The following CCDC85A variants were observed in gnomAD, a reference collection of about 807,000 sequenced individuals.
CCDC85A encodes the protein coiled-coil domain containing 85A.
A neutral mutation model predicts 50.2 loss-of-function variants in CCDC85A; 38 were observed. The ratio of observed to expected loss-of-function variants is 0.76; its 90% confidence interval spans 0.58 to 0.99. The LOEUF (loss-of-function observed/expected upper bound fraction) is 0.99. CCDC85A is among the 50% of genes least tolerant of loss of function. The probability of loss-of-function intolerance (pLI) is 0.00; values close to 1 mark genes in which losing one functional copy is unlikely to be tolerated. For missense variants in CCDC85A, 820 were observed against 742.0 expected, an observed-to-expected ratio of 1.11 and a Z score of -1.22; for synonymous variants, 366 against 301.4, an observed-to-expected ratio of 1.21 and a Z score of -2.22.
At position 56,250,697 on chromosome 2, in the gene CCDC85A, T is replaced by G. The variant is rs550197452; in HGVS notation, c.1240+57257T>G. ...GTGATTCAAATTGCTAATGTGTGCT[T>G]CTTGAAAAAATATCAAACCACTCCC... On this transcript the variant is annotated intron_variant, in intron 2 of 5. Transcript: ENST00000407595. Among the ~76,000 whole-genome samples, 9 of 152,306 alleles carry G rather than the reference T, an allele frequency of 5.9e-5. No individual in the cohort carries two copies. In the South Asian group the frequency reaches 1.9e-3, roughly 32 times the overall value.
At chr2:56,264,624 A>G (rs1282332786) in intron 2 of CCDC85A, among the ~76,000 whole-genome samples, 1 of 152,148 alleles carries the variant, frequency 6.6e-6, no homozygotes, top group Non-Finnish European at 1.5e-5. Context: ...CTAGCTTTCT[A>G]GTGTCTAGTC....
chr2:56,384,464 G>C lies in CCDC85A; in HGVS notation c.*109G>C. 1.1e-6 allele frequency: 1 copy of C among 890,164 alleles called. No homozygotes were observed. The highest frequency in any genetic ancestry group is 1.8e-6 in the Non-Finnish European group (1 of 553,704). 55.1% of individuals were successfully genotyped at this position (890,164 alleles called of 1,614,324 possible). A position where few individuals can be genotyped will look rare whatever the true frequency, so the allele number is the denominator to read the frequency against. ...AAACCTGGACTCATGGAATAACATG[G>C]AGTGATTGTACATTGCACATATCTC... On this transcript the variant is annotated 3_prime_UTR_variant, in exon 6 of 6. Transcript: ENST00000407595.
At chr2:56,320,770 A>G (rs1263055246) in intron 2 of CCDC85A, among the ~76,000 whole-genome samples, 1 of 152,154 alleles carries the variant, frequency 6.6e-6, no homozygotes, top group African/African-American at 2.4e-5. Flanking sequence ...AAAAGAGGGA[A>G]TCCTCCCTAA....
chr2:56,283,844 T>A (rs1217306133), intron 2 of CCDC85A, among the ~76,000 whole-genome samples: 2 of 152,138 alleles, frequency 1.3e-5, no homozygotes, highest in African/African-American at 4.8e-5. Flanking sequence ...CTTTGTTAGT[T>A]TTGTCTATTG....
At chr2:56,337,362 G>A (rs1448338765) in intron 2 of CCDC85A, among the ~76,000 whole-genome samples, 1 of 152,158 alleles carries the variant, frequency 6.6e-6, no homozygotes, top group Non-Finnish European at 1.5e-5. Context: ...AGGTTTCCCA[G>A]GGTGGAAAGA....
At chr2:56,341,783 A>G (rs1674383901) in intron 2 of CCDC85A, among the ~76,000 whole-genome samples, 1 of 152,194 alleles carries the variant, frequency 6.6e-6, no homozygotes, top group Non-Finnish European at 1.5e-5. Context: ...CTCCTGGTTT[A>G]CCTAAAGATG....
At chr2:56,184,936 T>G in intron 1 of CCDC85A, 36 bp downstream of exon 1, 1 of 1,452,042 alleles carries the variant, frequency 6.9e-7, no homozygotes, top group South Asian at 1.4e-5. Flanking sequence ...GCGGCGCGGC[T>G]GGGAGCGGGG....
At chr2:56,196,473 A>T (rs1676523395) in intron 2 of CCDC85A, among the ~76,000 whole-genome samples, 1 of 152,222 alleles carries the variant, frequency 6.6e-6, no homozygotes, top group Middle Eastern at 3.2e-3. Context: ...ACTATTGAGA[A>T]TGGGGGTTTC....
At chr2:56,373,652 G>A (rs1676192419) in intron 4 of CCDC85A, among the ~76,000 whole-genome samples, 1 of 152,220 alleles carries the variant, frequency 6.6e-6, no homozygotes, top group African/African-American at 2.4e-5. Flanking sequence ...GTAAAAACAG[G>A]AAGGAAGTAG....
At chr2:56,312,415 A>G (rs182522676) in intron 2 of CCDC85A, among the ~76,000 whole-genome samples, 1 of 152,256 alleles carries the variant, frequency 6.6e-6, no homozygotes, top group East Asian at 1.9e-4. Context: ...GTTTGAATGT[A>G]TAATGTAATA....
chr2:56,325,936 A>G (rs1308371744), intron 2 of CCDC85A, among the ~76,000 whole-genome samples: 1 of 152,122 alleles, frequency 6.6e-6, no homozygotes, highest in Non-Finnish European at 1.5e-5. Context: ...TAATGCAGTT[A>G]TTGTGTCTTA....
At chr2:56,291,418 G>C (rs934479121) in intron 2 of CCDC85A, among the ~76,000 whole-genome samples, 4 of 152,212 alleles carry the variant, frequency 2.6e-5, no homozygotes, top group Admixed American at 6.5e-5. Flanking sequence ...GAAAAGAGCT[G>C]GTGGTAAGTG....
chr2:56,324,953 A>C (rs1573260832), intron 2 of CCDC85A, among the ~76,000 whole-genome samples: 1 of 152,014 alleles, frequency 6.6e-6, no homozygotes, highest in Non-Finnish European at 1.5e-5. Flanking sequence ...TTTTTCATTT[A>C]TAATTTAAAG....
chr2:56,304,652 T>G (rs572434520), intron 2 of CCDC85A, among the ~76,000 whole-genome samples: 1 of 152,312 alleles, frequency 6.6e-6, no homozygotes, highest in African/African-American at 2.4e-5. Flanking sequence ...CTGCTCACTC[T>G]CTAAACTTTT....
At position 56,212,203 on chromosome 2, in the gene CCDC85A, T is replaced by G. The variant is rs78376454; in HGVS notation, c.1240+18763T>G. ...CCGTCATTTTCATTGTGTGGTAAAG[T>G]CCTCATCTTTGAGTTTTTGTGGCAT... On this transcript the variant is annotated intron_variant, in intron 2 of 5. Coordinates refer to ENST00000407595, the MANE Select transcript of CCDC85A (RefSeq NM_001080433.2). Among the ~76,000 whole-genome samples the G allele has an allele frequency of 1.7e-3, 253 of 152,188 alleles. 9 individuals are homozygous for G. The East Asian group carries it at 0.046, about 28-fold the overall frequency.
chr2:56,251,949 C>T (rs1247452917), intron 2 of CCDC85A, among the ~76,000 whole-genome samples: 3 of 151,512 alleles, frequency 2.0e-5, no homozygotes, highest in African/African-American at 4.9e-5. Flanking sequence ...ATGTGCACAA[C>T]GTGCAGGTTT....
intron 2 of CCDC85A, among the ~76,000 whole-genome samples, chr2:56,329,695 G>A (rs536466834): frequency 1.3e-5 from 2 of 152,176 alleles, no homozygotes; most frequent in Non-Finnish European, 2.9e-5. Flanking sequence ...CCAGTACAGA[G>A]TATATGCTGG....
chr2:56,330,640 G>T (rs751140775), intron 2 of CCDC85A, among the ~76,000 whole-genome samples: 6 of 152,170 alleles, frequency 3.9e-5, no homozygotes, highest in Non-Finnish European at 8.8e-5. Context: ...ATAGAGAGAT[G>T]TGGAAGCTGA....
Position 56,334,674 on chromosome 2 carries a change from A to T in CCDC85A, c.1241-8205A>T, listed in dbSNP as rs571210414. ...TGAATACCTCCAACAACAAGAGCAC[A>T]TTATGGTACAAAGCAGTATATTCCA... On this transcript the variant is annotated intron_variant, in intron 2 of 5. Transcript: ENST00000407595. 4.6e-5 allele frequency among the ~76,000 whole-genome samples: 7 copies of T among 152,340 alleles called. No homozygotes were observed. In the East Asian group the frequency reaches 1.3e-3, roughly 29 times the overall value.
Sources: allele counts gnomAD v4.1 joint callset (sites outside exome capture counted in the v4.1 genomes callset), GRCh38; gene constraint gnomAD v4.1.1; transcripts MANE v1.5; gene names NCBI Gene and HGNC (gene_info 2026-07-23, HGNC 2026-07-21).